PLS3: variants seen among roughly 807,000 people sequenced by gnomAD.
PLS3 encodes plastin 3.
Under a neutral mutation model 46.5 loss-of-function variants are expected in PLS3, and 11 were observed. That is an observed-to-expected ratio of 0.24 (90% confidence interval 0.15 to 0.39). The LOEUF (loss-of-function observed/expected upper bound fraction) is 0.39, where lower values mean the gene tolerates loss of function less well. PLS3 is among the 10% of genes least tolerant of loss of function. PLS3 has a pLI of 1.00. For missense variants in PLS3, 308 were observed against 461.8 expected (o/e 0.67, Z 3.05); for synonymous variants, 167 against 162.2 (o/e 1.03, Z -0.22).
At chrX:115,568,797 G>A (rs1397109327) in intron 1 of PLS3, among the ~76,000 whole-genome samples, 2 of 112,194 alleles carry the variant, frequency 1.8e-5, no homozygotes, top group Admixed American at 1.9e-4. Flanking sequence ...ACTTTGGAAG[G>A]CCAAGGCAGG....
chrX:115,571,808 T>C (rs1021374592), intron 1 of PLS3, among the ~76,000 whole-genome samples: 2 of 112,207 alleles, frequency 1.8e-5, no homozygotes, highest in Non-Finnish European at 3.8e-5. Context: ...TAAACCAATA[T>C]GTTTTCATGA....
At chrX:115,620,867 T>C (rs781886568) in intron 2 of PLS3, among the ~76,000 whole-genome samples, 40 of 107,458 alleles carry the variant, frequency 3.7e-4, no homozygotes, top group African/African-American at 1.3e-3. Context: ...CTAATTTTTG[T>C]ATTTTTAGTG....
At chrX:115,570,416 A>G (rs2147414008) in intron 1 of PLS3, among the ~76,000 whole-genome samples, 1 of 110,730 alleles carries the variant, frequency 9.0e-6, no homozygotes, top group Admixed American at 9.7e-5. Flanking sequence ...ATTTTCATTT[A>G]CAGGTTGATT....
chrX:115,610,398 A>G (rs2074536952), intron 2 of PLS3, 75 bp downstream of exon 2: 1 of 497,976 alleles, frequency 2.0e-6, no homozygotes, highest in Non-Finnish European at 3.3e-6. Flanking sequence ...TATAAATATC[A>G]CATGAATGGT....
chrX:115,606,270 T>C (rs2147479222), intron 1 of PLS3, among the ~76,000 whole-genome samples: 1 of 95,721 alleles, frequency 1.0e-5, no homozygotes, highest in South Asian at 6.2e-4. Flanking sequence ...CCAGAGTAGC[T>C]GGGATTACAG....
At chrX:115,641,290 C>T (rs2147571065) in intron 9 of PLS3, among the ~76,000 whole-genome samples, 1 of 100,649 alleles carries the variant, frequency 9.9e-6, no homozygotes, top group East Asian at 3.1e-4. Context: ...TGCAGTGGCA[C>T]CGTGTCGGCT....
chrX:115,648,874 T>A (rs142013623), intron 15 of PLS3, among the ~76,000 whole-genome samples: 1,895 of 111,845 alleles, frequency 0.017, 20 homozygotes, highest in Non-Finnish European at 0.027. Flanking sequence ...TGAGATGTGT[T>A]CCTGAAAATT....
At chrX:115,596,267 A>T (rs1556633835) in intron 1 of PLS3, among the ~76,000 whole-genome samples, 1 of 111,693 alleles carries the variant, frequency 9.0e-6, no homozygotes, top group African/African-American at 3.3e-5. Flanking sequence ...ACCACGTGAG[A>T]GGACTATATA....
chrX:115,584,028 G>A (rs2074293463), intron 1 of PLS3, among the ~76,000 whole-genome samples: 1 of 111,522 alleles, frequency 9.0e-6, no homozygotes, highest in South Asian at 3.7e-4. Flanking sequence ...GCATGGATTT[G>A]GTGCTATTAG....
chrX:115,625,594 A>T (rs1603238786), intron 3 of PLS3, among the ~76,000 whole-genome samples: 1 of 77,043 alleles, frequency 1.3e-5, no homozygotes, highest in Non-Finnish European at 2.2e-5. Context: ...TTCTTTCTTT[A>T]AAAAAAAAAA....
At chrX:115,641,225 CTT>C (rs35431475) in intron 9 of PLS3, among the ~76,000 whole-genome samples, 11,441 of 81,768 alleles carry the variant, frequency 0.14, 718 homozygotes, top group South Asian at 0.3. Context: ...TCTTCTCTTT[CTT>C]TTTTTTTTTT....
intron 2 of PLS3, among the ~76,000 whole-genome samples, chrX:115,615,162 C>T (rs1236806089): frequency 9.0e-6 from 1 of 111,443 alleles, no homozygotes; most frequent in Non-Finnish European, 1.9e-5. Flanking sequence ...GATTGCAGCA[C>T]GTACCACCTG....
At chrX:115,622,122 C>T (rs1164488918) in intron 2 of PLS3, 124 bp from the exon 3 acceptor site, 7 of 536,372 alleles carry the variant, frequency 1.3e-5, no homozygotes, top group Admixed American at 4.4e-5. Flanking sequence ...ACTTTATGTT[C>T]CCCACAATAA....
Position 115,636,817 on chromosome X carries a change from T to C in PLS3, c.749-19T>C, listed in dbSNP as rs781909098. The C allele has an allele frequency of 5.9e-5, 64 of 1,075,735 alleles. No homozygotes were observed. The African/African-American group carries it at 9.6e-4, about 16-fold the overall frequency. 88.7% of individuals were successfully genotyped at this position (1,075,735 alleles called of 1,213,427 possible). A position where few individuals can be genotyped will look rare whatever the true frequency, so the allele number is the denominator to read the frequency against. On this transcript the variant is annotated intron_variant, in intron 7 of 15. Transcript: ENST00000355899. ...TTGTGTCATATAATAACTGTGGGATTTTTTTTTTTTTCTTCTAGCCTTGGC... is the reference window on the plus strand; with the variant it reads ...TTGTGTCATATAATAACTGTGGGATCTTTTTTTTTTTCTTCTAGCCTTGGC...
At chrX:115,569,799 C>T (rs915422575) in intron 1 of PLS3, among the ~76,000 whole-genome samples, 1 of 111,839 alleles carries the variant, frequency 8.9e-6, no homozygotes, top group Admixed American at 9.6e-5. Context: ...CCAGAAGTGA[C>T]TTGGAAGGTT....
intron 3 of PLS3, among the ~76,000 whole-genome samples, chrX:115,624,031 C>T (rs1322489513): frequency 9.0e-6 from 1 of 110,697 alleles, no homozygotes; most frequent in Non-Finnish European, 1.9e-5. Context: ...AGATCGAGGG[C>T]CATACTGGCC....
At position 115,643,483 on chromosome X, in the gene PLS3, G is replaced by A; in HGVS notation, c.1158G>A (p.Gln386=). 1 of 1,187,748 alleles carries A rather than the reference G, an allele frequency of 8.4e-7. No homozygotes were observed. Residue 386 remains glutamine, a synonymous_variant, in exon 10 of 16, where the codon CAG becomes CAA. Coordinates refer to ENST00000355899, the MANE Select transcript of PLS3 (RefSeq NM_005032.7). ...CAGCACTAACTAAGCCAGAGAACCAGGATATTGACTGGACTCTATTAGAAG... is the reference window on the plus strand; with the variant it reads ...CAGCACTAACTAAGCCAGAGAACCAAGATATTGACTGGACTCTATTAGAAG... ...KYPALTKPEN[Q]DIDWTLLEGE...
intron 1 of PLS3, among the ~76,000 whole-genome samples, chrX:115,573,176 A>T (rs181998874): frequency 1.8e-5 from 2 of 111,801 alleles, no homozygotes; most frequent in African/African-American, 6.5e-5. Context: ...TCAGCATAAA[A>T]TAATTTCTAA....
chrX:115,635,187 G>GA, intron 7 of PLS3, 141 bp downstream of exon 7: 1 of 475,577 alleles, frequency 2.1e-6, no homozygotes. Flanking sequence ...AGTTATTCAG[G>GA]AAAATAGCCT....
Sources: gnomAD v4.1 joint callset for allele counts (sites outside exome capture counted in the v4.1 genomes callset) on GRCh38, gnomAD v4.1.1 for gene constraint, MANE v1.5 for transcripts, NCBI Gene and HGNC (gene_info 2026-07-23, HGNC 2026-07-21) for gene names.